Variants in SLC44A5 observed in about 807,000 individuals in gnomAD.
SLC44A5 encodes choline transporter-like protein 5.
Under a neutral mutation model 101.8 loss-of-function variants are expected in SLC44A5, and 57 were observed. The observed-to-expected ratio is 0.56, with a 90% confidence interval of 0.45 to 0.70. The LOEUF (loss-of-function observed/expected upper bound fraction) is 0.70, where lower values mean the gene tolerates loss of function less well. Ranked by LOEUF, SLC44A5 falls within the 30% of genes least tolerant of loss-of-function variation. The pLI is 0.00. For missense variants in SLC44A5, 737 were observed against 853.1 expected, an observed-to-expected ratio of 0.86 and a Z score of 1.70; for synonymous variants, 281 against 290.9, an observed-to-expected ratio of 0.97 and a Z score of 0.35.
chr1:75,358,424 A>G (rs1659240192), intron 3 of SLC44A5, among the ~76,000 whole-genome samples: 1 of 152,166 alleles, frequency 6.6e-6, no homozygotes, highest in South Asian at 2.1e-4. Flanking sequence ...TATTTTTTAA[A>G]ACTTTTTTCT....
intron 2 of SLC44A5, among the ~76,000 whole-genome samples, chr1:75,507,686 T>C (rs887652554): frequency 6.6e-6 from 1 of 152,188 alleles, no homozygotes; most frequent in African/African-American, 2.4e-5. Flanking sequence ...TCCAGGACTT[T>C]TGGGGAGTTG....
At chr1:75,283,203 G>A (rs1028604009) in intron 5 of SLC44A5, among the ~76,000 whole-genome samples, 4 of 151,666 alleles carry the variant, frequency 2.6e-5, no homozygotes, top group African/African-American at 9.7e-5. Context: ...GCAGGAGTAA[G>A]GTGGTATTGT....
chr1:75,360,695 G>T (rs1367249432), intron 3 of SLC44A5, among the ~76,000 whole-genome samples: 2 of 152,140 alleles, frequency 1.3e-5, no homozygotes, highest in Non-Finnish European at 2.9e-5. Context: ...CCAGTGTCAT[G>T]CTATTTTGAT....
At chr1:75,299,314 T>C (rs1303998973) in intron 5 of SLC44A5, among the ~76,000 whole-genome samples, 2 of 152,240 alleles carry the variant, frequency 1.3e-5, no homozygotes, top group African/African-American at 4.8e-5. Context: ...TTTCCTGTCT[T>C]AATTTTTTGA....
At chr1:75,334,311 G>T (rs1657282306) in intron 4 of SLC44A5, among the ~76,000 whole-genome samples, 1 of 152,080 alleles carries the variant, frequency 6.6e-6, no homozygotes, top group Non-Finnish European at 1.5e-5. Flanking sequence ...TATCATCTTG[G>T]CCTCAAAATT....
At chr1:75,514,607 G>A (rs1047211175) in intron 2 of SLC44A5, among the ~76,000 whole-genome samples, 1 of 152,168 alleles carries the variant, frequency 6.6e-6, no homozygotes, top group Non-Finnish European at 1.5e-5. Context: ...TAAGTAATTA[G>A]TGTCTTTAAA....
At chr1:75,213,682 C>G (rs779793984) in intron 22 of SLC44A5, 23 bp downstream of exon 22, 7 of 1,505,262 alleles carry the variant, frequency 4.7e-6, no homozygotes, top group Middle Eastern at 3.4e-4. Flanking sequence ...GCAGCCTGTA[C>G]TGACTCAGAC....
intron 6 of SLC44A5, among the ~76,000 whole-genome samples, chr1:75,264,570 G>A (rs556617023): frequency 2.2e-4 from 33 of 152,002 alleles, no homozygotes; most frequent in Non-Finnish European, 3.8e-4. Context: ...GAAATTAGGA[G>A]GAAATTTAAA....
At chr1:75,581,265 T>C (rs1043655400) in intron 1 of SLC44A5, among the ~76,000 whole-genome samples, 3 of 152,296 alleles carry the variant, frequency 2.0e-5, no homozygotes, top group South Asian at 4.1e-4. Flanking sequence ...TATTATACTA[T>C]ATGATCAAGC....
intron 4 of SLC44A5, among the ~76,000 whole-genome samples, chr1:75,302,246 G>C (rs538297246): frequency 6.7e-6 from 1 of 149,596 alleles, no homozygotes; most frequent in Non-Finnish European, 1.5e-5. Context: ...TGTCAGAGCA[G>C]TTGTTACATA....
At chr1:75,448,117 A>T (rs1665689535) in intron 2 of SLC44A5, among the ~76,000 whole-genome samples, 1 of 152,208 alleles carries the variant, frequency 6.6e-6, no homozygotes, top group Admixed American at 6.5e-5. Context: ...CCTCTCCACC[A>T]TCTGAAACAA....
At chr1:75,377,186 G>A (rs2101219763) in intron 3 of SLC44A5, among the ~76,000 whole-genome samples, 1 of 148,434 alleles carries the variant, frequency 6.7e-6, no homozygotes, top group East Asian at 2.0e-4. Flanking sequence ...AAATTCTTCT[G>A]CCTTGAGATT....
At position 75,202,190 on chromosome 1, in the gene SLC44A5, CATTAAAT is replaced by C. The variant is rs1238002914; in HGVS notation, c.*1530_*1536del. The C allele has an allele frequency of 1.3e-5, 2 of 152,068 alleles. No homozygotes were observed. The highest frequency in any genetic ancestry group is 4.8e-5 in the African/African-American group (2 of 41,434). The allele number at this position is 152,068 out of a possible 1,614,324, so 9.4% of individuals were successfully genotyped here. ...ATTTAAAACAAGTAACAACAAATTT[CATTAAAT>C]ATTAAACATTTTAATTATCAAAGAT... On this transcript the variant is annotated 3_prime_UTR_variant, in exon 24 of 24. Coordinates refer to ENST00000370859, the MANE Select transcript of SLC44A5 (RefSeq NM_001130058.2).
At chr1:75,210,253 G>T (rs1646827320) in intron 23 of SLC44A5, among the ~76,000 whole-genome samples, 2 of 151,688 alleles carry the variant, frequency 1.3e-5, no homozygotes, top group African/African-American at 4.8e-5. Context: ...TAGAGATAGG[G>T]TCTCACTATG....
At chr1:75,345,305 T>C (rs1658169325) in intron 3 of SLC44A5, among the ~76,000 whole-genome samples, 1 of 150,942 alleles carries the variant, frequency 6.6e-6, no homozygotes, top group African/African-American at 2.5e-5. Context: ...GGGTATCAAA[T>C]TAACTGGTAT....
chr1:75,344,766 T>A (rs895121264), intron 3 of SLC44A5, among the ~76,000 whole-genome samples: 1 of 152,150 alleles, frequency 6.6e-6, no homozygotes, highest in African/African-American at 2.4e-5. Context: ...CTCATTGAGA[T>A]GTATTTTGGA....
chr1:75,212,412 TACCTA>T (rs1382398615), intron 22 of SLC44A5, among the ~76,000 whole-genome samples: 3 of 152,124 alleles, frequency 2.0e-5, no homozygotes, highest in Admixed American at 6.6e-5. Flanking sequence ...ACTCAATATT[TACCTA>T]CAACTTATAA....
At chr1:75,407,606 G>A (rs1662963058) in intron 2 of SLC44A5, among the ~76,000 whole-genome samples, 1 of 152,106 alleles carries the variant, frequency 6.6e-6, no homozygotes. Flanking sequence ...AACAAGCAAT[G>A]GGGAAAGGAT....
the SLC44A5 span, among the ~76,000 whole-genome samples, chr1:75,703,991 C>T: frequency 6.6e-6 from 1 of 152,032 alleles, no homozygotes; most frequent in African/African-American, 2.4e-5. Flanking sequence ...AGTTCAAGGC[C>T]AGCCTGGGCA....
Sources: allele counts gnomAD v4.1 joint callset (sites outside exome capture counted in the v4.1 genomes callset), GRCh38; gene constraint gnomAD v4.1.1; transcripts MANE v1.5; gene names NCBI Gene and HGNC (gene_info 2026-07-23, HGNC 2026-07-21).